The following ARHGAP44 variants were observed in gnomAD, a reference collection of about 807,000 sequenced individuals.
ARHGAP44 encodes Rho GTPase activating protein 44.
ARHGAP44 carries 43 observed loss-of-function variants against 106.8 expected under a neutral mutation model. That is an observed-to-expected ratio of 0.40 (90% CI 0.32 to 0.52). The LOEUF (loss-of-function observed/expected upper bound fraction) is 0.52, where lower values mean the gene tolerates loss of function less well. Among genes scored for constraint, ARHGAP44 ranks in the 20% least tolerant of loss-of-function variants. The pLI, the probability that ARHGAP44 is intolerant of heterozygous loss-of-function variation, is 0.48. For missense variants in ARHGAP44, 866 were observed against 1,050.5 expected (o/e 0.82, Z 2.43); for synonymous variants, 439 against 410.3 (o/e 1.07, Z -0.85).
At chr17:12,929,265 A>G (rs957508618) in intron 7 of ARHGAP44, 13 of 439,604 alleles carry the variant, frequency 3.0e-5, no homozygotes, top group Non-Finnish European at 4.2e-5. Flanking sequence ...TTCATTTATC[A>G]TTGGTGGTCC....
chr17:12,877,420 A>G (rs925029635), intron 1 of ARHGAP44, among the ~76,000 whole-genome samples: 2 of 152,178 alleles, frequency 1.3e-5, no homozygotes, highest in Non-Finnish European at 2.9e-5. Flanking sequence ...AAGAATCTCA[A>G]CCATTTTAAG....
chr17:12,869,348 A>G (rs927602256), intron 1 of ARHGAP44, among the ~76,000 whole-genome samples: 5 of 152,226 alleles, frequency 3.3e-5, no homozygotes, highest in African/African-American at 1.2e-4. Context: ...CAATATTAAG[A>G]TAAGCTATCT....
chr17:12,825,174 C>T (rs916270547), intron 1 of ARHGAP44, among the ~76,000 whole-genome samples: 9 of 151,866 alleles, frequency 5.9e-5, no homozygotes, highest in African/African-American at 1.9e-4. Context: ...GTAACTGGGA[C>T]TACAGGCACA....
At chr17:12,939,851 T>G (rs1314640672) in intron 7 of ARHGAP44, among the ~76,000 whole-genome samples, 1 of 152,224 alleles carries the variant, frequency 6.6e-6, no homozygotes, top group African/African-American at 2.4e-5. Context: ...TCAAGCTCTC[T>G]GGAGAACACA....
Position 12,987,161 on chromosome 17 carries a change from GC to G in ARHGAP44, c.2317+2257del, listed in dbSNP as rs1346313809. 4 of 1,532,140 alleles carry G rather than the reference GC, an allele frequency of 2.6e-6. No homozygotes were observed. The African/African-American group carries it at 5.5e-5, about 21-fold the overall frequency. The allele number at this position is 1,532,140 out of a possible 1,614,324, so 94.9% of individuals were successfully genotyped here. On this transcript the variant is annotated intron_variant, in intron 20 of 20. Coordinates refer to ENST00000379672, the MANE Select transcript of ARHGAP44 (RefSeq NM_014859.6). Reference sequence around the variant, plus strand: ...TGAGGGGGATTTTCAGGGTAAGCTGGCCCCGGCCTCGCCCCTCCACCCCGCT... The same window carrying G: ...TGAGGGGGATTTTCAGGGTAAGCTGGCCCGGCCTCGCCCCTCCACCCCGCT...
At chr17:12,805,967 G>A (rs893876797) in intron 1 of ARHGAP44, among the ~76,000 whole-genome samples, 2 of 152,168 alleles carry the variant, frequency 1.3e-5, no homozygotes, top group African/African-American at 4.8e-5. Flanking sequence ...TCCCTTGAAA[G>A]GTGGTGTGAC....
intron 10 of ARHGAP44, among the ~76,000 whole-genome samples, chr17:12,945,511 T>C (rs1289914023): frequency 2.0e-5 from 3 of 152,200 alleles, no homozygotes; most frequent in Admixed American, 1.3e-4. Context: ...AGGAGACTTA[T>C]AAACTTATTG....
At chr17:12,953,995 C>G (rs373370695) in intron 13 of ARHGAP44, among the ~76,000 whole-genome samples, 8 of 152,058 alleles carry the variant, frequency 5.3e-5, no homozygotes, top group African/African-American at 1.9e-4. Context: ...TCGAGTGATT[C>G]TCCTGCCTCA....
Position 12,949,336 on chromosome 17 carries a change from C to A in ARHGAP44, c.973+85C>A. 7.2e-7 allele frequency: 1 copy of A among 1,389,522 alleles called. No individual in the cohort carries two copies. Among genetic ancestry groups the A allele is most frequent in the Non-Finnish European group, 9.9e-7 (1 of 1,014,392 alleles). The allele number at this position is 1,389,522 out of a possible 1,614,324, so 86.1% of individuals were successfully genotyped here. Reference sequence around the variant, plus strand: ...AGGCTGTGTGGCTACAAGTCCAGGACACTCAAGTCAGTGGCTGCCCAAAGC... The same window carrying A: ...AGGCTGTGTGGCTACAAGTCCAGGAAACTCAAGTCAGTGGCTGCCCAAAGC... On this transcript the variant is annotated intron_variant, in intron 11 of 20. Coordinates refer to ENST00000379672, the MANE Select transcript of ARHGAP44 (RefSeq NM_014859.6). The surrounding 1 kb of genome is among the most constrained non-coding windows in gnomAD (Gnocchi z 4.1).
At chr17:12,815,489 T>A (rs1322290037) in intron 1 of ARHGAP44, among the ~76,000 whole-genome samples, 1 of 152,124 alleles carries the variant, frequency 6.6e-6, no homozygotes, top group Non-Finnish European at 1.5e-5. Context: ...AGAAAGGATT[T>A]TGAGTGGGAG....
chr17:12,965,769 A>G (rs961849414), intron 16 of ARHGAP44, among the ~76,000 whole-genome samples: 9 of 152,168 alleles, frequency 5.9e-5, no homozygotes, highest in Non-Finnish European at 1.2e-4. Flanking sequence ...ACCTGAGATA[A>G]ATTGAACCAG....
In ARHGAP44 at chr17:12,983,379, C is replaced by T. The variant is rs74571159; in HGVS notation, c.1940-1152C>T. ...ATTTGCCCATCAAGTATCTCCTGGA[C>T]GTTTGAATTTATTGTCTTTACCAAT... On this transcript the variant is annotated intron_variant, in intron 19 of 20. Coordinates refer to ENST00000379672, the MANE Select transcript of ARHGAP44 (RefSeq NM_014859.6). Among the ~76,000 whole-genome samples, 1,241 of 151,760 alleles carry T rather than the reference C, an allele frequency of 8.2e-3. 17 individuals carry two copies. The highest frequency in any genetic ancestry group is 0.028 in the African/African-American group (1,165 of 41,368).
At chr17:12,942,916 C>T (rs540486448) in intron 8 of ARHGAP44, among the ~76,000 whole-genome samples, 1 of 152,322 alleles carries the variant, frequency 6.6e-6, no homozygotes, top group South Asian at 2.1e-4. Context: ...GCAATCCCAC[C>T]TCCAGGGTAT....
intron 1 of ARHGAP44, among the ~76,000 whole-genome samples, chr17:12,831,496 G>A (rs1474425701): frequency 1.3e-5 from 2 of 152,198 alleles, no homozygotes; most frequent in African/African-American, 4.8e-5. Context: ...ATAGGGGAAT[G>A]AGCAGAGGCT....
chr17:12,895,638 C>A (rs1389363589), intron 2 of ARHGAP44, among the ~76,000 whole-genome samples: 5 of 152,166 alleles, frequency 3.3e-5, no homozygotes, highest in Admixed American at 2.0e-4. Flanking sequence ...AATAGGAACA[C>A]TTTTATGCTG....
At chr17:12,931,558 G>A (rs1004096509) in intron 7 of ARHGAP44, among the ~76,000 whole-genome samples, 2 of 151,312 alleles carry the variant, frequency 1.3e-5, no homozygotes, top group Admixed American at 6.6e-5. Flanking sequence ...GTGCAGTGGC[G>A]GGATCTCCGC....
chr17:12,940,235 A>G (rs1598089307), intron 7 of ARHGAP44, among the ~76,000 whole-genome samples: 1 of 13,458 alleles, frequency 7.4e-5, no homozygotes, highest in African/African-American at 3.8e-4. Flanking sequence ...CAGCTGCACA[A>G]GGGAGGAACC....
At chr17:12,901,137 T>C (rs1475680151) in intron 3 of ARHGAP44, among the ~76,000 whole-genome samples, 1 of 152,016 alleles carries the variant, frequency 6.6e-6, no homozygotes, top group Non-Finnish European at 1.5e-5. Flanking sequence ...TTGGCCAGGC[T>C]GGTATCAAAC....
chr17:12,814,233 G>GTTT (rs1171216133), intron 1 of ARHGAP44, among the ~76,000 whole-genome samples: 2 of 136,684 alleles, frequency 1.5e-5, no homozygotes, highest in Non-Finnish European at 1.5e-5. Flanking sequence ...TCCCAAACTG[G>GTTT]TGTTTTTTTT....
Sources: gnomAD v4.1 joint callset for allele counts (sites outside exome capture counted in the v4.1 genomes callset) on GRCh38, gnomAD v4.1.1 for gene constraint, Gnocchi (gnomAD v3.1) non-coding constraint, MANE v1.5 for transcripts, NCBI Gene and HGNC (gene_info 2026-07-23, HGNC 2026-07-21) for gene names.